The following ABTB3 variants were observed in gnomAD, a reference collection of about 807,000 sequenced individuals.
ABTB3 encodes the protein ankyrin repeat and BTB domain containing 3.
At chr12:107,360,681 A>G in the ABTB3 span, among the ~76,000 whole-genome samples, 1 of 152,220 alleles carries the variant, frequency 6.6e-6, no homozygotes, top group Non-Finnish European at 1.5e-5. Flanking sequence ...AAGGGGAGCC[A>G]GGCCCATTGG....
At chr12:107,617,429 G>C in the ABTB3 span, 1 of 1,613,996 alleles carries the variant, frequency 6.2e-7, no homozygotes, top group Non-Finnish European at 8.5e-7. Context: ...TGCAGCCCAC[G>C]GACACAGGTA....
chr12:107,412,753 G>T, the ABTB3 span, among the ~76,000 whole-genome samples: 2 of 151,964 alleles, frequency 1.3e-5, no homozygotes, highest in African/African-American at 4.8e-5. Context: ...AAGGAACTCT[G>T]AATTGAAGGA....
the ABTB3 span, among the ~76,000 whole-genome samples, chr12:107,495,511 G>A: frequency 6.6e-6 from 1 of 152,164 alleles, no homozygotes; most frequent in African/African-American, 2.4e-5. Flanking sequence ...AACCAGTATA[G>A]CCATCCTGGG....
chr12:107,407,214 G>A, the ABTB3 span, among the ~76,000 whole-genome samples: 1 of 152,140 alleles, frequency 6.6e-6, no homozygotes, highest in East Asian at 1.9e-4. Flanking sequence ...GGTTTGGCAG[G>A]CTTCAATGTA....
chr12:107,550,509 A>G, the ABTB3 span, among the ~76,000 whole-genome samples: 1 of 148,654 alleles, frequency 6.7e-6, no homozygotes, highest in African/African-American at 2.5e-5. Flanking sequence ...AAAAAAAAAA[A>G]TGAAAAACAA....
At chr12:107,584,685 G>A in the ABTB3 span, among the ~76,000 whole-genome samples, 1 of 152,236 alleles carries the variant, frequency 6.6e-6, no homozygotes, top group East Asian at 1.9e-4. Flanking sequence ...GGTTCCTGGT[G>A]GGAGGCAGCC....
At chr12:107,651,929 CT>C in the ABTB3 span, 200,463 of 639,258 alleles carry the variant, frequency 0.31, 33,488 homozygotes, top group East Asian at 0.54. Context: ...CTGCCAAGGT[CT>C]TGCTTCCTGC....
the ABTB3 span, among the ~76,000 whole-genome samples, chr12:107,429,300 G>C: frequency 6.6e-6 from 1 of 152,188 alleles, no homozygotes; most frequent in South Asian, 2.1e-4. Context: ...CTTGCATATA[G>C]GTAGCCCACT....
chr12:107,466,100 G>T, the ABTB3 span, among the ~76,000 whole-genome samples: 1 of 152,130 alleles, frequency 6.6e-6, no homozygotes, highest in Non-Finnish European at 1.5e-5. Context: ...TAATATCCTC[G>T]GGGGTGGATG....
the ABTB3 span, among the ~76,000 whole-genome samples, chr12:107,380,293 A>G: frequency 6.6e-6 from 1 of 152,190 alleles, no homozygotes; most frequent in African/African-American, 2.4e-5. Flanking sequence ...GAATCTCTGT[A>G]TAATTTGCTG....
At chr12:107,431,576 T>G in the ABTB3 span, among the ~76,000 whole-genome samples, 1 of 152,032 alleles carries the variant, frequency 6.6e-6, no homozygotes, top group South Asian at 2.1e-4. Context: ...ACCATTGCAC[T>G]CCAGCCTGGC....
chr12:107,443,204 A>C, the ABTB3 span, among the ~76,000 whole-genome samples: 2 of 151,794 alleles, frequency 1.3e-5, no homozygotes, highest in Non-Finnish European at 2.9e-5. Context: ...TCTATAAGGG[A>C]GTGGGATGCA....
At chr12:107,526,370 G>A in the ABTB3 span, among the ~76,000 whole-genome samples, 1 of 152,152 alleles carries the variant, frequency 6.6e-6, no homozygotes. Flanking sequence ...AGAGTTCGGT[G>A]GGCGGTCCAG....
At chr12:107,433,348 GC>G in the ABTB3 span, among the ~76,000 whole-genome samples, 5 of 150,726 alleles carry the variant, frequency 3.3e-5, no homozygotes, top group Middle Eastern at 0.01. Flanking sequence ...GAGGGAGGAG[GC>G]AAGGGGGTTT....
the ABTB3 span, among the ~76,000 whole-genome samples, chr12:107,588,204 A>G: frequency 6.6e-6 from 1 of 152,232 alleles, no homozygotes; most frequent in Non-Finnish European, 1.5e-5. Context: ...TAACTTGATT[A>G]TATCTGCAAA....
chr12:107,645,041 C>T, the ABTB3 span, among the ~76,000 whole-genome samples: 11 of 148,316 alleles, frequency 7.4e-5, no homozygotes, highest in Admixed American at 2.1e-4. Context: ...GGCGCAATCT[C>T]GGCTTACTGC....
the ABTB3 span, among the ~76,000 whole-genome samples, chr12:107,379,489 T>G: frequency 6.6e-6 from 1 of 152,200 alleles, no homozygotes; most frequent in Non-Finnish European, 1.5e-5. Flanking sequence ...AGACGTGCCT[T>G]TGCTCCTCCT....
the ABTB3 span, among the ~76,000 whole-genome samples, chr12:107,345,070 C>A: frequency 6.6e-6 from 1 of 152,156 alleles, no homozygotes; most frequent in South Asian, 2.1e-4. Context: ...GAGCTGGATA[C>A]CACCCTTGCT....
the ABTB3 span, chr12:107,612,933 A>T: frequency 6.7e-7 from 1 of 1,482,492 alleles, no homozygotes; most frequent in South Asian, 1.2e-5. Flanking sequence ...CGAGCAAGAA[A>T]GGGGGGCTTT....
Sources: gnomAD v4.1 joint callset for allele counts (sites outside exome capture counted in the v4.1 genomes callset) on GRCh38, gnomAD v4.1.1 for gene constraint, MANE v1.5 for transcripts, NCBI Gene and HGNC (gene_info 2026-07-23, HGNC 2026-07-21) for gene names.